The following SPTLC3 variants were observed in gnomAD, a reference collection of about 807,000 sequenced individuals.
The protein encoded by SPTLC3 is serine palmitoyltransferase 3.
Under a neutral mutation model 59.3 loss-of-function variants are expected in SPTLC3, and 36 were observed. The ratio of observed to expected loss-of-function variants is 0.61; its 90% CI spans 0.47 to 0.80. The LOEUF (loss-of-function observed/expected upper bound fraction) is 0.80, where lower values mean the gene tolerates loss of function less well. Ranked by LOEUF, SPTLC3 falls within the 30% of genes least tolerant of loss-of-function variation. The pLI, the probability that SPTLC3 is intolerant of heterozygous loss-of-function variation, is 0.00. For synonymous variants in SPTLC3, 257 were observed against 240.8 expected, an observed-to-expected ratio of 1.07 and a Z score of -0.62; for missense variants, 625 against 685.1, an observed-to-expected ratio of 0.91 and a Z score of 0.98.
intron 6 of SPTLC3, among the ~76,000 whole-genome samples, chr20:13,102,333 C>A (rs527343953): frequency 6.6e-6 from 1 of 152,160 alleles, no homozygotes; most frequent in East Asian, 1.9e-4. Context: ...TTACATTCAC[C>A]AACTCATTTT....
At chr20:13,148,715 G>A (rs2038573998) in intron 9 of SPTLC3, among the ~76,000 whole-genome samples, 1 of 152,154 alleles carries the variant, frequency 6.6e-6, no homozygotes. Flanking sequence ...AGTCTGCTTG[G>A]CTGAACCTTG....
chr20:13,033,212 A>G (rs1986578663), intron 1 of SPTLC3, among the ~76,000 whole-genome samples: 1 of 152,168 alleles, frequency 6.6e-6, no homozygotes, highest in South Asian at 2.1e-4. Context: ...GAATTTAACA[A>G]TATTCTGATA....
chr20:13,097,167 T>A (rs1307671963), intron 6 of SPTLC3, among the ~76,000 whole-genome samples: 2 of 152,122 alleles, frequency 1.3e-5, no homozygotes, highest in East Asian at 1.9e-4. Flanking sequence ...GGGAATTGCA[T>A]AAAATGGATG....
chr20:13,089,801 A>C (rs1475022082), intron 4 of SPTLC3, among the ~76,000 whole-genome samples: 26 of 149,588 alleles, frequency 1.7e-4, no homozygotes, highest in Admixed American at 1.4e-3. Context: ...AAAAAAAAAA[A>C]AAACAAAACA....
chr20:13,032,874 T>C (rs1986561011), intron 1 of SPTLC3, among the ~76,000 whole-genome samples: 1 of 152,122 alleles, frequency 6.6e-6, no homozygotes, highest in Non-Finnish European at 1.5e-5. Context: ...AATTAACCTC[T>C]TATGAACTGA....
At chr20:13,069,518 G>A (rs184081572) in intron 2 of SPTLC3, among the ~76,000 whole-genome samples, 48 of 152,210 alleles carry the variant, frequency 3.2e-4, no homozygotes, top group Non-Finnish European at 4.7e-4. Flanking sequence ...CCTCGCATGC[G>A]CAGTTCACAA....
intron 2 of SPTLC3, among the ~76,000 whole-genome samples, chr20:13,058,572 T>C (rs1413675260): frequency 1.3e-5 from 2 of 152,144 alleles, no homozygotes; most frequent in African/African-American, 2.4e-5. Context: ...GCCTTGGTAG[T>C]GGGGGGTGAG....
chr20:13,104,874 T>A (rs1989790074), intron 6 of SPTLC3, among the ~76,000 whole-genome samples: 1 of 152,168 alleles, frequency 6.6e-6, no homozygotes, highest in Non-Finnish European at 1.5e-5. Flanking sequence ...TGGGGAACTT[T>A]TTTTAACAAA....
At chr20:13,084,344 C>A (rs1320899270) in intron 4 of SPTLC3, among the ~76,000 whole-genome samples, 1 of 152,164 alleles carries the variant, frequency 6.6e-6, no homozygotes, top group Non-Finnish European at 1.5e-5. Flanking sequence ...TATTTAAGAA[C>A]ATACAGATGC....
intron 9 of SPTLC3, among the ~76,000 whole-genome samples, chr20:13,130,578 C>T (rs957028237): frequency 5.3e-5 from 8 of 152,240 alleles, no homozygotes; most frequent in African/African-American, 1.4e-4. Flanking sequence ...TGTTTATGCA[C>T]AAACAGCCAC....
chr20:13,047,624 C>T (rs981255143), intron 1 of SPTLC3, among the ~76,000 whole-genome samples: 10 of 151,910 alleles, frequency 6.6e-5, no homozygotes, highest in Non-Finnish European at 1.5e-4. Context: ...ATTAGAGATA[C>T]GTATTTACTA....
At chr20:13,143,957 C>G (rs372033124) in intron 9 of SPTLC3, among the ~76,000 whole-genome samples, 5 of 152,320 alleles carry the variant, frequency 3.3e-5, no homozygotes, top group East Asian at 1.9e-4. Flanking sequence ...TCATCCTGAT[C>G]CATGCACTAT....
intron 9 of SPTLC3, among the ~76,000 whole-genome samples, chr20:13,132,662 C>T (rs2038148762): frequency 6.6e-6 from 1 of 152,178 alleles, no homozygotes; most frequent in African/African-American, 2.4e-5. Context: ...ATTCTTCTCG[C>T]TATCCCTCTT....
intron 9 of SPTLC3, among the ~76,000 whole-genome samples, chr20:13,136,743 A>G (rs562979306): frequency 4.1e-5 from 6 of 147,886 alleles, no homozygotes; most frequent in African/African-American, 7.4e-5. Flanking sequence ...TTATATATAT[A>G]ATATATAGGG....
In SPTLC3 at chr20:13,066,356, C is replaced by T. The variant is rs764918257; in HGVS notation, c.304-5900C>T. On this transcript the variant is annotated intron_variant, in intron 2 of 11. Transcript: ENST00000399002. ...CATTGTGTGTTTTTGGCTCCTTTGT[C>T]GAAGATCCATTACTGTGAATGCATG... 1.6e-4 allele frequency among the ~76,000 whole-genome samples: 24 copies of T among 152,202 alleles called. No individual in the cohort carries two copies. In the South Asian group the frequency reaches 2.1e-3, roughly 13 times the overall value.
At chr20:13,136,224 G>T (rs2038239919) in intron 9 of SPTLC3, among the ~76,000 whole-genome samples, 1 of 152,076 alleles carries the variant, frequency 6.6e-6, no homozygotes, top group South Asian at 2.1e-4. Flanking sequence ...AAAGGAAGGA[G>T]AAAACTAAAG....
chr20:13,021,387 A>G (rs927761652), intron 1 of SPTLC3, among the ~76,000 whole-genome samples: 4 of 152,098 alleles, frequency 2.6e-5, no homozygotes, highest in Admixed American at 6.6e-5. Flanking sequence ...AACTTGTTTA[A>G]GTTTGCTTGC....
chr20:13,091,349 C>T (rs749309716), intron 5 of SPTLC3, 142 bp downstream of exon 5: 117 of 1,020,354 alleles, frequency 1.1e-4, no homozygotes, highest in Middle Eastern at 7.2e-4. Flanking sequence ...CCAAGGCGGG[C>T]GGATCACGAG....
chr20:13,063,276 GA>G (rs1317864338), intron 2 of SPTLC3, among the ~76,000 whole-genome samples: 2 of 151,976 alleles, frequency 1.3e-5, no homozygotes, highest in Non-Finnish European at 2.9e-5. Flanking sequence ...TAAACTTTTT[GA>G]AAATTGATTT....
Sources: gnomAD v4.1 joint callset for allele counts (sites outside exome capture counted in the v4.1 genomes callset) on GRCh38, gnomAD v4.1.1 for gene constraint, MANE v1.5 for transcripts, NCBI Gene and HGNC (gene_info 2026-07-23, HGNC 2026-07-21) for gene names.